COPZ1: variants seen among roughly 807,000 people sequenced by gnomAD.
COPZ1 encodes coat protein complex I subunit zeta 1, also known as coatomer subunit zeta-1.
A neutral mutation model predicts 31.7 loss-of-function variants in COPZ1; 4 were observed. That is an observed-to-expected ratio of 0.13 (90% CI 0.06 to 0.29). The LOEUF (loss-of-function observed/expected upper bound fraction) is 0.29, where lower values mean the gene tolerates loss of function less well. Ranked by LOEUF, COPZ1 falls within the 10% of genes least tolerant of loss-of-function variation. The pLI is 1.00. For synonymous variants in COPZ1, 74 were observed against 79.0 expected (o/e 0.94, Z 0.33); for missense variants, 156 against 211.5 (o/e 0.74, Z 1.63).
chr12:54,350,759 G>A lies in COPZ1; in HGVS notation c.*236G>A. On this transcript the variant is annotated 3_prime_UTR_variant, in exon 9 of 9. Coordinates refer to ENST00000262061, the MANE Select transcript of COPZ1 (RefSeq NM_016057.3). ...CCAGCATATTTAGATAATAGGGCAGGGGAAGCACCCTCTTTCTTTCTAGAC... is the reference window on the plus strand; with the variant it reads ...CCAGCATATTTAGATAATAGGGCAGAGGAAGCACCCTCTTTCTTTCTAGAC... 1.7e-6 allele frequency: 1 copy of A among 574,296 alleles called. No individual in the cohort carries two copies. The highest frequency in any genetic ancestry group is 3.1e-6 in the Non-Finnish European group (1 of 319,664). The allele number at this position is 574,296 out of a possible 1,614,324, so 35.6% of individuals were successfully genotyped here.
chr12:54,331,362 G>A (rs909807813), intron 1 of COPZ1, among the ~76,000 whole-genome samples: 3 of 151,828 alleles, frequency 2.0e-5, no homozygotes, highest in African/African-American at 7.3e-5. Context: ...TGTATTTTTA[G>A]TAGAGACGGG....
chr12:54,336,915 G>A (rs1263019307), intron 1 of COPZ1, among the ~76,000 whole-genome samples: 3 of 151,374 alleles, frequency 2.0e-5, no homozygotes, highest in South Asian at 2.1e-4. Context: ...CCAGCTACCC[G>A]GGAGGCTGAG....
intron 4 of COPZ1, among the ~76,000 whole-genome samples, chr12:54,344,045 T>A (rs1954018086): frequency 6.6e-6 from 1 of 152,246 alleles, no homozygotes; most frequent in East Asian, 1.9e-4. Flanking sequence ...AAGTGGCAGT[T>A]ATCTGATGTG....
At chr12:54,344,361 C>T (rs1028516594) in intron 4 of COPZ1, among the ~76,000 whole-genome samples, 1 of 152,160 alleles carries the variant, frequency 6.6e-6, no homozygotes, top group Admixed American at 6.5e-5. Context: ...AGGCGGATCA[C>T]GAAGTCAGGA....
At chr12:54,326,319 T>C (rs2137079612) in intron 1 of COPZ1, among the ~76,000 whole-genome samples, 1 of 149,448 alleles carries the variant, frequency 6.7e-6, no homozygotes, top group African/African-American at 2.5e-5. Context: ...TTTTGTATTT[T>C]TTAGTAGAGA....
chr12:54,341,546 C>G (rs1232709814), intron 2 of COPZ1, among the ~76,000 whole-genome samples: 3 of 152,182 alleles, frequency 2.0e-5, no homozygotes, highest in African/African-American at 7.2e-5. Flanking sequence ...AAACAGTTAT[C>G]CAGTTACTAA....
rs1337804889 is a variant in COPZ1 at position 54,345,334 on chromosome 12, TTA to T, written c.262-124_262-123del. The T allele has an allele frequency of 1.4e-5, 9 of 627,382 alleles. No individual in the cohort carries two copies. The South Asian group carries it at 1.6e-4, about 11-fold the overall frequency. The allele number at this position is 627,382 out of a possible 1,614,324, so 38.9% of individuals were successfully genotyped here. The stretch of plus-strand genomic sequence containing the variant: ...TTCCTGTTGTGCTCTCACTTCCACT[TTA>T]TGTTTTTGGTCCTTTGTGAAAGCCT... On this transcript the variant is annotated intron_variant, in intron 4 of 8. Coordinates refer to ENST00000262061, the MANE Select transcript of COPZ1 (RefSeq NM_016057.3).
intron 1 of COPZ1, chr12:54,337,398 CAACA>C: frequency 2.2e-6 from 1 of 464,716 alleles, no homozygotes; most frequent in Non-Finnish European, 4.4e-6. Flanking sequence ...AGGTCTTTCT[CAACA>C]GTCAGCATTT....
intron 1 of COPZ1, among the ~76,000 whole-genome samples, chr12:54,339,622 C>T (rs1953936364): frequency 6.6e-6 from 1 of 152,118 alleles, no homozygotes; most frequent in African/African-American, 2.4e-5. Context: ...TTTCCTTCTC[C>T]TAGTTAGCTG....
chr12:54,328,439 G>A (rs1592195515), intron 1 of COPZ1, among the ~76,000 whole-genome samples: 1 of 151,840 alleles, frequency 6.6e-6, no homozygotes, highest in Non-Finnish European at 1.5e-5. Context: ...GCGTGGCCAC[G>A]CCTGTAATCC....
chr12:54,350,286 T>A (rs758245657), intron 8 of COPZ1, 190 bp from the exon 9 acceptor site: 1 of 747,600 alleles, frequency 1.3e-6, no homozygotes, highest in South Asian at 1.4e-5. Context: ...GGGTTTGAAT[T>A]TTTTTGGAAT....
intron 1 of COPZ1, among the ~76,000 whole-genome samples, chr12:54,339,825 C>T (rs914456359): frequency 6.6e-6 from 1 of 152,164 alleles, no homozygotes; most frequent in Non-Finnish European, 1.5e-5. Flanking sequence ...AGATCATCTT[C>T]TCACTGCTTC....
intron 1 of COPZ1, among the ~76,000 whole-genome samples, chr12:54,329,569 A>G (rs1364532618): frequency 6.6e-6 from 1 of 151,764 alleles, no homozygotes; most frequent in Admixed American, 6.6e-5. Context: ...AAAAAGTGAA[A>G]CTCTGTCTTA....
chr12:54,327,090 C>T (rs1339160229), intron 1 of COPZ1, among the ~76,000 whole-genome samples: 1 of 139,768 alleles, frequency 7.2e-6, no homozygotes, highest in African/African-American at 2.7e-5. Context: ...AAGCAATTCT[C>T]ATGCCTCAGC....
At position 54,350,160 on chromosome 12, in the gene COPZ1, C is replaced by T; in HGVS notation, c.487-316C>T. 10 of 669,070 alleles carry T rather than the reference C, an allele frequency of 1.5e-5. 1 individual carries two copies. Among genetic ancestry groups the T allele is most frequent in the Middle Eastern group, 6.5e-4 (2 of 3,078 alleles). 41.4% of individuals were successfully genotyped at this position (669,070 alleles called of 1,614,324 possible). A position where few individuals can be genotyped will look rare whatever the true frequency, so the allele number is the denominator to read the frequency against. ...CCACTTGGAATTCTCACCAAGAAGT[C>T]CATCTGGATTTGTTACCCGCCCCCT... is the stretch of plus-strand genomic sequence containing the variant. On this transcript the variant is annotated intron_variant, in intron 8 of 8. Coordinates refer to ENST00000262061, the MANE Select transcript of COPZ1 (RefSeq NM_016057.3).
intron 5 of COPZ1, among the ~76,000 whole-genome samples, chr12:54,345,826 G>A (rs1464602552): frequency 6.6e-6 from 1 of 151,872 alleles, no homozygotes; most frequent in Non-Finnish European, 1.5e-5. Flanking sequence ...GCATGGTAGC[G>A]GGCGCCTGTA....
intron 4 of COPZ1, among the ~76,000 whole-genome samples, chr12:54,344,073 T>C (rs1954018805): frequency 6.6e-6 from 1 of 152,220 alleles, no homozygotes; most frequent in Non-Finnish European, 1.5e-5. Flanking sequence ...CTAGTAACTT[T>C]CTCAGGGTCA....
intron 1 of COPZ1, among the ~76,000 whole-genome samples, chr12:54,340,190 T>C (rs1163725805): frequency 6.6e-6 from 1 of 152,178 alleles, no homozygotes; most frequent in East Asian, 1.9e-4. Context: ...GGTCACATTC[T>C]ATAGCCACCT....
rs972749449 is a variant in COPZ1, at chr12:54,348,104, CA to C, written c.447+54del. On this transcript the variant is annotated intron_variant, in intron 7 of 8. Coordinates refer to ENST00000262061, the MANE Select transcript of COPZ1 (RefSeq NM_016057.3). ...CCCGCATCTATTCACAAACACCCTCCAGAGCCAGACCTGCTGGATGTGTCCA... is the reference window on the plus strand; with the variant it reads ...CCCGCATCTATTCACAAACACCCTCCGAGCCAGACCTGCTGGATGTGTCCA... The C allele has an allele frequency of 2.6e-5, 41 of 1,554,552 alleles. No individual in the cohort carries two copies. The Admixed American group carries it at 3.0e-4, about 11-fold the overall frequency.
Sources: allele counts gnomAD v4.1 joint callset (sites outside exome capture counted in the v4.1 genomes callset), GRCh38; gene constraint gnomAD v4.1.1; transcripts MANE v1.5; gene names NCBI Gene and HGNC (gene_info 2026-07-23, HGNC 2026-07-21).